CEP350: variants seen among roughly 807,000 people sequenced by gnomAD.
CEP350 encodes the protein centrosomal protein 350.
A neutral mutation model predicts 331.8 loss-of-function variants in CEP350; 126 were observed. That is an observed-to-expected ratio of 0.38 (90% CI 0.33 to 0.44). CEP350 has a LOEUF of 0.44. CEP350 is among the 20% of genes least tolerant of loss of function. CEP350 has a pLI of 1.00. For missense variants in CEP350, 3,406 were observed against 3,634.6 expected, an observed-to-expected ratio of 0.94 and a Z score of 1.62; for synonymous variants, 1,200 against 1,259.5, an observed-to-expected ratio of 0.95 and a Z score of 1.00.
At chr1:179,994,203 A>G (rs181785682) in intron 5 of CEP350, among the ~76,000 whole-genome samples, 2 of 151,606 alleles carry the variant, frequency 1.3e-5, no homozygotes, top group African/African-American at 4.8e-5. Context: ...ACTGTATGAA[A>G]TTACTTTTTG....
chr1:180,076,258 G>A (rs1478615524), intron 28 of CEP350, among the ~76,000 whole-genome samples: 1 of 151,978 alleles, frequency 6.6e-6, no homozygotes, highest in Non-Finnish European at 1.5e-5. Context: ...ATTTTATGAG[G>A]CTAGTATATA....
Position 180,111,044 on chromosome 1 carries a change from G to A in CEP350, c.9237G>A (p.Glu3079=), listed in dbSNP as rs1363529124. The A allele has an allele frequency of 6.2e-7, 1 of 1,614,002 alleles. No homozygotes were observed. The highest frequency in any genetic ancestry group is 1.1e-5 in the South Asian group (1 of 91,084). ...AGGCACAGTGGGTGAACTATGATGA[G>A]GATGAGTTGTGTGTGAAAATGCAGC... ...EEEAQWVNYD[E]DELCVKMQLA... The change falls in exon 38 of 38, where the codon GAG becomes GAA. Residue 3079 remains glutamate (E), a synonymous_variant. Transcript: ENST00000367607.
In CEP350 at chr1:180,014,392, C is replaced by G. The variant is rs779070539; in HGVS notation, c.1939C>G (p.Pro647Ala). The G allele has an allele frequency of 1.7e-5, 27 of 1,599,870 alleles. No homozygotes were observed. The highest frequency in any genetic ancestry group is 8.5e-7 in the Non-Finnish European group (1 of 1,173,062). The stretch of plus-strand genomic sequence containing the variant: ...AGCCTTTACTAAAGTAAAAAATGTC[C>G]CTCCTTCTGAGCCATCAGCAACTAG... ...KEAFTKVKNV[P>A]PSEPSATRRL... The change falls in exon 10 of 38, where the codon CCT (proline) becomes GCT (alanine). Residue 647 changes from proline to alanine, a missense_variant. Around this residue, in one of 5 missense-constraint regions of CEP350, gnomAD observed 1,857 missense variants for 1,909.2 expected, o/e 0.97. Transcript: ENST00000367607.
rs937084217 is a variant in CEP350 at position 180,042,999 on chromosome 1, A to G, written c.4363-57A>G. ...TTTCCAAGACACTATGCTCCTTCTCAGTTCTCTGACCTTACGTTTTAATAC... is the reference window on the plus strand; with the variant it reads ...TTTCCAAGACACTATGCTCCTTCTCGGTTCTCTGACCTTACGTTTTAATAC... On this transcript the variant is annotated intron_variant, in intron 19 of 37. Transcript: ENST00000367607. The G allele has an allele frequency of 1.9e-6, 3 of 1,549,140 alleles. No individual in the cohort carries two copies. In the African/African-American group the frequency reaches 4.1e-5, roughly 21 times the overall value.
chr1:179,957,875 A>G, intron 1 of CEP350, among the ~76,000 whole-genome samples: 1 of 152,234 alleles, frequency 6.6e-6, no homozygotes, highest in East Asian at 1.9e-4. Context: ...TACTAGTACT[A>G]TAATTATAGC....
intron 1 of CEP350, among the ~76,000 whole-genome samples, chr1:179,959,553 C>G (rs511232): frequency 0.99 from 151,241 of 152,256 alleles, 75,126 homozygotes; most frequent in Middle Eastern, 1. Flanking sequence ...TTAGGAGCTT[C>G]AGACCAGCCT....
intron 37 of CEP350, among the ~76,000 whole-genome samples, chr1:180,099,954 T>G (rs981258856): frequency 6.6e-6 from 1 of 152,038 alleles, no homozygotes; most frequent in Non-Finnish European, 1.5e-5. Context: ...TCCAGCTAAT[T>G]TTTGTATTTT....
intron 4 of CEP350, 80 bp from the exon 5 acceptor site, chr1:179,991,980 ATT>A: frequency 8.1e-7 from 1 of 1,229,830 alleles, no homozygotes. Flanking sequence ...TAGATACCTA[ATT>A]TTTTTTTTAA....
Position 180,052,074 on chromosome 1 carries a change from C to T in CEP350, c.4793-896C>T, listed in dbSNP as rs373019359. ...GTACAAAAGCAATTGTAATTGTATG[C>T]GTAACTATGTGCACACACGTATACA... On this transcript the variant is annotated intron_variant, in intron 22 of 37. Transcript: ENST00000367607. 17 of 307,964 alleles carry T rather than the reference C, an allele frequency of 5.5e-5. No individual in the cohort carries two copies. In the East Asian group the frequency reaches 1.1e-3, roughly 20 times the overall value. The allele number at this position is 307,964 out of a possible 1,614,324, so 19.1% of individuals were successfully genotyped here.
intron 1 of CEP350, among the ~76,000 whole-genome samples, chr1:179,964,766 CTT>C (rs576706075): frequency 7.0e-6 from 1 of 142,558 alleles, no homozygotes. Context: ...GATCTTCTCA[CTT>C]TTTTTTTTTT....
intron 1 of CEP350, among the ~76,000 whole-genome samples, chr1:179,964,555 T>C (rs1027483490): frequency 6.6e-6 from 1 of 152,100 alleles, no homozygotes; most frequent in Non-Finnish European, 1.5e-5. Flanking sequence ...GATTCAATTT[T>C]GTAAATTGTT....
chr1:179,992,605 CTTT>C (rs943632826), intron 5 of CEP350, among the ~76,000 whole-genome samples: 1 of 149,844 alleles, frequency 6.7e-6, no homozygotes, highest in Admixed American at 6.7e-5. Context: ...TACTTTTTTT[CTTT>C]TTTTTTGGGT....
chr1:180,076,026 C>T (rs1278080815), intron 28 of CEP350, among the ~76,000 whole-genome samples: 1 of 151,694 alleles, frequency 6.6e-6, no homozygotes, highest in Admixed American at 6.6e-5. Context: ...TGGCTAAATT[C>T]TTCTAAAAAA....
At chr1:180,037,272 A>G (rs566425669) in intron 17 of CEP350, among the ~76,000 whole-genome samples, 183 bp downstream of exon 17, 32 of 152,326 alleles carry the variant, frequency 2.1e-4, no homozygotes, top group African/African-American at 6.5e-4. Flanking sequence ...GTTTGGCAGC[A>G]GAACAATAAT....
chr1:179,961,114 T>C (rs1193153375), intron 1 of CEP350, among the ~76,000 whole-genome samples: 1 of 152,164 alleles, frequency 6.6e-6, no homozygotes, highest in Non-Finnish European at 1.5e-5. Flanking sequence ...TGTATACATA[T>C]AATGAATCAA....
chr1:180,063,522 A>G (rs985614689), intron 26 of CEP350, among the ~76,000 whole-genome samples: 6 of 151,710 alleles, frequency 4.0e-5, no homozygotes, highest in Non-Finnish European at 5.9e-5. Flanking sequence ...TAAAATGTCA[A>G]TGTAGGGCTG....
At chr1:179,961,449 A>C (rs1395896361) in intron 1 of CEP350, among the ~76,000 whole-genome samples, 1 of 152,018 alleles carries the variant, frequency 6.6e-6, no homozygotes, top group Non-Finnish European at 1.5e-5. Context: ...GTGTCTCAAA[A>C]ATAAAATAAA....
intron 22 of CEP350, chr1:180,052,195 C>A (rs1287292218): frequency 2.2e-6 from 1 of 453,880 alleles, no homozygotes; most frequent in Admixed American, 2.4e-5. Context: ...CTAGTGCCTA[C>A]AAATTCTTTC....
At position 180,019,960 on chromosome 1, in the gene CEP350, T is replaced by A; in HGVS notation, c.2186T>A (p.Met729Lys). ...PPQPLARKDL[M>K]ESTWMQPERL... ...ACTTTCATTTCCAGAAAAGACTTGATGGAATCTACATGGATGCAGCCTGAA... is the reference window on the plus strand; with the variant it reads ...ACTTTCATTTCCAGAAAAGACTTGAAGGAATCTACATGGATGCAGCCTGAA... Residue 729 changes from methionine to lysine, a missense_variant, in exon 12 of 38, where the codon ATG (methionine) becomes AAG (lysine). Transcript: ENST00000367607. The A allele has an allele frequency of 1.9e-6, 3 of 1,581,108 alleles. No homozygotes were observed. The highest frequency in any genetic ancestry group is 2.6e-6 in the Non-Finnish European group (3 of 1,167,206).
Sources: gnomAD v4.1 joint callset for allele counts (sites outside exome capture counted in the v4.1 genomes callset) on GRCh38, gnomAD v4.1.1 for gene constraint, gnomAD v4.1.1 regional missense constraint, MANE v1.5 for transcripts, NCBI Gene and HGNC (gene_info 2026-07-23, HGNC 2026-07-21) for gene names.